RYR3: variants seen among roughly 807,000 people sequenced by gnomAD.
The protein encoded by RYR3 is ryanodine receptor 3.
Under a neutral mutation model 584.3 loss-of-function variants are expected in RYR3, and 207 were observed. The ratio of observed to expected loss-of-function variants is 0.35; its 90% CI spans 0.32 to 0.40. The LOEUF is 0.40. RYR3 is among the 10% of genes least tolerant of loss of function. The probability of loss-of-function intolerance (pLI) is 1.00; values close to 1 mark genes in which losing one functional copy is unlikely to be tolerated. For missense variants in RYR3, 5,616 were observed against 6,089.2 expected (o/e 0.92, Z 2.59); for synonymous variants, 2,416 against 2,248.5 (o/e 1.07, Z -2.11).
intron 89 of RYR3, among the ~76,000 whole-genome samples, chr15:33,840,023 C>A (rs2078261460): frequency 6.6e-6 from 1 of 152,206 alleles, no homozygotes; most frequent in Non-Finnish European, 1.5e-5. Flanking sequence ...TGGATCTTAA[C>A]TTCTAGTGGG....
intron 1 of RYR3, among the ~76,000 whole-genome samples, chr15:33,389,980 C>A (rs2041887959): frequency 6.6e-6 from 1 of 152,156 alleles, no homozygotes; most frequent in Admixed American, 6.5e-5. Flanking sequence ...TAAAAAGTTA[C>A]AATGAAGAGG....
chr15:33,858,922 G>C (rs2080028010), intron 99 of RYR3: 1 of 152,382 alleles, frequency 6.6e-6, no homozygotes, highest in Admixed American at 6.5e-5. Context: ...ACCGTCATGA[G>C]ACAGCAATCC....
At chr15:33,562,790 A>C (rs959489213) in intron 10 of RYR3, 47 bp from the exon 11 acceptor site, 1 of 1,440,218 alleles carries the variant, frequency 6.9e-7, no homozygotes, top group Non-Finnish European at 9.7e-7. Context: ...TGAGCTTCTA[A>C]TTTAATCAGC....
At chr15:33,340,229 A>G (rs979246353) in intron 1 of RYR3, among the ~76,000 whole-genome samples, 1 of 152,226 alleles carries the variant, frequency 6.6e-6, no homozygotes, top group African/African-American at 2.4e-5. Flanking sequence ...CACACATTGC[A>G]GGTTAGGAGA....
intron 49 of RYR3, among the ~76,000 whole-genome samples, chr15:33,737,426 C>G (rs1304594671): frequency 6.6e-6 from 1 of 152,212 alleles, no homozygotes; most frequent in South Asian, 2.1e-4. Context: ...TTCCCATATG[C>G]AAAAGTGTTA....
chr15:33,554,291 C>CTTTTTTTT (rs71117147), intron 10 of RYR3, among the ~76,000 whole-genome samples: 1 of 126,532 alleles, frequency 7.9e-6, no homozygotes, highest in Admixed American at 8.1e-5. Flanking sequence ...CCTCCATTAT[C>CTTTTTTTT]TTTTTTTTTT....
Position 33,754,976 on chromosome 15 carries a change from A to G in RYR3, c.8400-89A>G, listed in dbSNP as rs2071673161. On this transcript the variant is annotated intron_variant, in intron 57 of 103. Transcript: ENST00000634891. The stretch of plus-strand genomic sequence containing the variant: ...CCAGAATAACCACTAACATTTGGAA[A>G]TTAAATTCAACACTGGTAGGACTGG... The G allele has an allele frequency of 2.1e-5, 15 of 710,468 alleles. No homozygotes were observed. The South Asian group carries it at 2.3e-4, about 11-fold the overall frequency. The allele number at this position is 710,468 out of a possible 1,614,324, so 44.0% of individuals were successfully genotyped here.
At chr15:33,784,630 CTGAGGAGGAA>C (rs1487346075) in intron 65 of RYR3, among the ~76,000 whole-genome samples, 2 of 152,190 alleles carry the variant, frequency 1.3e-5, no homozygotes, top group Non-Finnish European at 2.9e-5. Context: ...GAAGTTTGGC[CTGAGGAGGAA>C]GTAGACACAT....
intron 48 of RYR3, among the ~76,000 whole-genome samples, chr15:33,735,788 A>C (rs1479659829): frequency 4.6e-5 from 7 of 152,214 alleles, no homozygotes; most frequent in Non-Finnish European, 8.8e-5. Context: ...CCAGATCATA[A>C]GGCGGAGGGC....
At chr15:33,609,198 T>C (rs1445026648) in intron 18 of RYR3, among the ~76,000 whole-genome samples, 1 of 152,290 alleles carries the variant, frequency 6.6e-6, no homozygotes, top group African/African-American at 2.4e-5. Flanking sequence ...AGGATCTGAA[T>C]ACTTTTAAAG....
intron 10 of RYR3, among the ~76,000 whole-genome samples, chr15:33,557,674 T>C (rs3794582): frequency 0.7 from 106,079 of 152,036 alleles, 39,039 homozygotes; most frequent in Middle Eastern, 0.85. Context: ...TGAGCCACCA[T>C]GCCCGGCCGG....
chr15:33,460,465 G>C (rs1467448484), intron 1 of RYR3, among the ~76,000 whole-genome samples: 1 of 152,172 alleles, frequency 6.6e-6, no homozygotes, highest in African/African-American at 2.4e-5. Flanking sequence ...GAGTCACACA[G>C]AACTGGATTT....
chr15:33,316,120 G>A (rs1440255603), intron 1 of RYR3, among the ~76,000 whole-genome samples: 3 of 152,122 alleles, frequency 2.0e-5, no homozygotes, highest in Non-Finnish European at 4.4e-5. Flanking sequence ...AAAAAAAATG[G>A]TGAAAAAGAA....
At chr15:33,408,003 A>G (rs560019483) in intron 1 of RYR3, among the ~76,000 whole-genome samples, 1 of 104,466 alleles carries the variant, frequency 9.6e-6, no homozygotes, top group Non-Finnish European at 1.9e-5. Context: ...TATCCCAGTT[A>G]AACTTGAATT....
Position 33,588,006 on chromosome 15 carries a change from G to A in RYR3, c.1788+1890G>A, listed in dbSNP as rs958999423. 3.3e-5 allele frequency among the ~76,000 whole-genome samples: 5 copies of A among 152,146 alleles called. No homozygotes were observed. In the South Asian group the frequency reaches 6.2e-4, roughly 19 times the overall value. On this transcript the variant is annotated intron_variant, in intron 16 of 103. Coordinates refer to ENST00000634891, the MANE Select transcript of RYR3 (RefSeq NM_001036.6). ...ACTAATCCACTTAGTTTTCGGTGAAGACAATGACTCAAAATATGCAGAATT... is the reference window on the plus strand; with the variant it reads ...ACTAATCCACTTAGTTTTCGGTGAAAACAATGACTCAAAATATGCAGAATT...
intron 2 of RYR3, among the ~76,000 whole-genome samples, chr15:33,500,492 G>A (rs1442970193): frequency 6.6e-6 from 1 of 152,202 alleles, no homozygotes; most frequent in Non-Finnish European, 1.5e-5. Context: ...GAGGCTAAGT[G>A]AATCCTAGTT....
intron 17 of RYR3, 21 bp from the exon 18 acceptor site, chr15:33,603,102 C>T (rs142606079): frequency 6.2e-7 from 1 of 1,612,000 alleles, no homozygotes; most frequent in African/African-American, 1.3e-5. Context: ...GTAGATGCCA[C>T]TTGCCCATGT....
In RYR3 at chr15:33,311,196, C is replaced by T. The variant is rs993321354; in HGVS notation, c.51+100C>T. 8.9e-6 allele frequency: 8 copies of T among 899,934 alleles called. No homozygotes were observed. Among genetic ancestry groups the T allele is most frequent in the African/African-American group, 1.8e-5 (1 of 56,688 alleles). 55.7% of individuals were successfully genotyped at this position (899,934 alleles called of 1,614,324 possible). A position where few individuals can be genotyped will look rare whatever the true frequency, so the allele number is the denominator to read the frequency against. ...GCGCTGCGCCGCGGTGCCGGGTGCC[C>T]GGTGCCGGGCGCTTTCTCCGCACCC... On this transcript the variant is annotated intron_variant, in intron 1 of 103. Transcript: ENST00000634891. This position sits in a 1 kb window ranked among gnomAD's most constrained non-coding sequence, Gnocchi z 4.4.
intron 102 of RYR3, among the ~76,000 whole-genome samples, chr15:33,862,709 C>T (rs1888805935): frequency 6.6e-6 from 1 of 150,468 alleles, no homozygotes; most frequent in African/African-American, 2.4e-5. Flanking sequence ...CTCCTGGATT[C>T]AAGTGATTCT....
Sources: allele counts gnomAD v4.1 joint callset (sites outside exome capture counted in the v4.1 genomes callset), GRCh38; gene constraint gnomAD v4.1.1; non-coding constraint Gnocchi (gnomAD v3.1); transcripts MANE v1.5; gene names NCBI Gene and HGNC (gene_info 2026-07-23, HGNC 2026-07-21).